The following TANC1 variants were observed in gnomAD, a reference collection of about 807,000 sequenced individuals.
The protein encoded by TANC1 is tetratricopeptide repeat, ankyrin repeat and coiled-coil containing 1.
In TANC1, 77 loss-of-function variants were observed where a neutral mutation model predicts 149.7. The ratio of observed to expected loss-of-function variants is 0.51; its 90% confidence interval spans 0.43 to 0.62. The LOEUF (loss-of-function observed/expected upper bound fraction) is 0.62. Among genes scored for constraint, TANC1 ranks in the 20% least tolerant of loss-of-function variants. The probability of loss-of-function intolerance (pLI) is 0.00; values close to 1 mark genes in which losing one functional copy is unlikely to be tolerated. For synonymous variants in TANC1, 854 were observed against 925.0 expected, an observed-to-expected ratio of 0.92 and a Z score of 1.39; for missense variants, 1,985 against 2,321.8, an observed-to-expected ratio of 0.85 and a Z score of 2.98.
In TANC1 at chr2:159,192,256, G is replaced by T. The variant is rs184615855; in HGVS notation, c.2743-2001G>T. ...TCTTTTAGGAACACATCCCTATAAA[G>T]TATTTGTATTTACTTTTGGCCTTAT... On this transcript the variant is annotated intron_variant, in intron 16 of 26. Coordinates refer to ENST00000263635, the MANE Select transcript of TANC1 (RefSeq NM_033394.3). Among the ~76,000 whole-genome samples, 309 of 152,194 alleles carry T rather than the reference G, an allele frequency of 2.0e-3. 2 individuals are homozygous for T. Among genetic ancestry groups the T allele is most frequent in the Admixed American group, 3.6e-3 (55 of 15,278 alleles).
At chr2:159,125,140 A>C (rs181725848) in intron 4 of TANC1, among the ~76,000 whole-genome samples, 187 of 150,932 alleles carry the variant, frequency 1.2e-3, no homozygotes, top group African/African-American at 4.5e-3. Context: ...CCAGGCATGA[A>C]TGAAAATAAG....
chr2:159,136,035 TGTGTGTGTGTGTGTGCGC>T (rs778115591), intron 4 of TANC1, among the ~76,000 whole-genome samples, 141 bp from the exon 5 acceptor site: 3,536 of 66,214 alleles, frequency 0.053, 112 homozygotes, highest in African/African-American at 0.11. Flanking sequence ...TGTGTGTGTG[TGTGTGTGTGTGTGTGCGC>T]GCGCGCGCGT....
At chr2:159,179,987 AG>A (rs761847984) in intron 14 of TANC1, among the ~76,000 whole-genome samples, 4 of 152,176 alleles carry the variant, frequency 2.6e-5, no homozygotes, top group Non-Finnish European at 5.9e-5. Flanking sequence ...CTGTAGTAAC[AG>A]GGCTGGCAAG....
chr2:159,019,931 G>A (rs2038674401), intron 2 of TANC1, among the ~76,000 whole-genome samples: 1 of 152,050 alleles, frequency 6.6e-6, no homozygotes, highest in Admixed American at 6.6e-5. Flanking sequence ...TGCATGCTGA[G>A]CAAAAGTCTT....
intron 7 of TANC1, among the ~76,000 whole-genome samples, chr2:159,153,188 C>T (rs1013619379): frequency 3.3e-5 from 5 of 152,106 alleles, no homozygotes; most frequent in Non-Finnish European, 7.4e-5. Flanking sequence ...GGAGAGGGAA[C>T]GTTCAGTTTA....
intron 5 of TANC1, among the ~76,000 whole-genome samples, chr2:159,144,477 G>A (rs899414731): frequency 1.3e-5 from 2 of 152,196 alleles, no homozygotes; most frequent in African/African-American, 4.8e-5. Context: ...CTGGGTTCAG[G>A]TGATTCTCCT....
intron 1 of TANC1, among the ~76,000 whole-genome samples, chr2:158,995,786 C>T (rs2036077332): frequency 1.3e-5 from 2 of 152,180 alleles, no homozygotes; most frequent in South Asian, 4.1e-4. Context: ...CATATTAGCA[C>T]TGACACCCAC....
intron 10 of TANC1, among the ~76,000 whole-genome samples, chr2:159,171,089 C>T (rs1256787513): frequency 2.0e-5 from 3 of 152,068 alleles, no homozygotes; most frequent in East Asian, 1.9e-4. Flanking sequence ...GATCAAGTGT[C>T]CTGGAGAATT....
At chr2:159,071,783 C>T (rs1489438319) in intron 3 of TANC1, among the ~76,000 whole-genome samples, 1 of 152,142 alleles carries the variant, frequency 6.6e-6, no homozygotes, top group Non-Finnish European at 1.5e-5. Context: ...GAATTTAGTG[C>T]AGTGACTCTC....
chr2:159,223,478 CTA>C (rs1019410438), intron 22 of TANC1, among the ~76,000 whole-genome samples: 1 of 152,102 alleles, frequency 6.6e-6, no homozygotes, highest in African/African-American at 2.4e-5. Flanking sequence ...GATAATCCCT[CTA>C]GTTAGTGTCA....
chr2:159,164,076 C>A (rs2054326157), intron 8 of TANC1, among the ~76,000 whole-genome samples: 1 of 152,024 alleles, frequency 6.6e-6, no homozygotes. Flanking sequence ...TGAAAATATT[C>A]GAGATAGACA....
intron 4 of TANC1, among the ~76,000 whole-genome samples, chr2:159,132,961 C>T (rs995487130): frequency 3.9e-5 from 6 of 152,112 alleles, no homozygotes; most frequent in Non-Finnish European, 5.9e-5. Flanking sequence ...CTGGGTGATA[C>T]TGGGTTCCAG....
chr2:159,033,697 A>T (rs139846513), intron 2 of TANC1, among the ~76,000 whole-genome samples: 27 of 152,320 alleles, frequency 1.8e-4, no homozygotes, highest in African/African-American at 6.0e-4. Context: ...GAGTGACAAT[A>T]GGGTTAGCAC....
chr2:159,023,618 AG>A (rs1354839721), intron 2 of TANC1, among the ~76,000 whole-genome samples: 2 of 152,134 alleles, frequency 1.3e-5, no homozygotes, highest in Non-Finnish European at 2.9e-5. Context: ...CTGGAATTAC[AG>A]GCATGTGCCA....
At chr2:159,224,484 ATC>A (rs2059899916) in intron 23 of TANC1, 120 bp downstream of exon 23, 2 of 1,155,386 alleles carry the variant, frequency 1.7e-6, no homozygotes. Context: ...ATGTTTGCAG[ATC>A]TCTGTCTCAG....
intron 14 of TANC1, among the ~76,000 whole-genome samples, chr2:159,182,206 T>C (rs1428841155): frequency 1.4e-4 from 1 of 7,322 alleles, no homozygotes; most frequent in African/African-American, 2.5e-4. Flanking sequence ...CAAAACTGTC[T>C]CAAAAAAAAA....
chr2:158,976,396 C>A (rs1190315215), intron 1 of TANC1, among the ~76,000 whole-genome samples: 1 of 152,120 alleles, frequency 6.6e-6, no homozygotes, highest in African/African-American at 2.4e-5. Flanking sequence ...TGAACTCTAT[C>A]CATCTAAATA....
chr2:159,107,468 A>G (rs1212426416), intron 4 of TANC1, among the ~76,000 whole-genome samples: 1 of 152,214 alleles, frequency 6.6e-6, no homozygotes, highest in Non-Finnish European at 1.5e-5. Flanking sequence ...TTCCCCTAAC[A>G]GTTTTGACTC....
At chr2:159,170,434 A>T in intron 9 of TANC1, 90 bp from the exon 10 acceptor site, 1 of 1,231,590 alleles carries the variant, frequency 8.1e-7, no homozygotes, top group Non-Finnish European at 1.1e-6. Context: ...AAAGCTAAGG[A>T]TTTAGTGTAA....
Sources: allele counts gnomAD v4.1 joint callset (sites outside exome capture counted in the v4.1 genomes callset), GRCh38; gene constraint gnomAD v4.1.1; transcripts MANE v1.5; gene names NCBI Gene and HGNC (gene_info 2026-07-23, HGNC 2026-07-21).